Variants in CRPPA observed in about 807,000 individuals in gnomAD.
CRPPA encodes the protein CDP-L-ribitol pyrophosphorylase A, also known as D-ribitol-5-phosphate cytidylyltransferase.
Under a neutral mutation model 52.0 loss-of-function variants are expected in CRPPA, and 43 were observed. That is an observed-to-expected ratio of 0.83 (90% CI 0.65 to 1.07). CRPPA has a LOEUF of 1.07. Ranked by LOEUF, CRPPA falls within the 50% of genes least tolerant of loss-of-function variation. The probability of loss-of-function intolerance (pLI) is 0.00; values close to 1 mark genes in which losing one functional copy is unlikely to be tolerated. For synonymous variants in CRPPA, 250 were observed against 203.5 expected (o/e 1.23, Z -1.94); for missense variants, 629 against 551.7 (o/e 1.14, Z -1.40).
At chr7:16,125,697 A>T (rs1285490092) in intron 9 of CRPPA, among the ~76,000 whole-genome samples, 2 of 152,192 alleles carry the variant, frequency 1.3e-5, no homozygotes, top group Non-Finnish European at 2.9e-5. Context: ...TGTATGAAAC[A>T]GGTTGTCTAA....
intron 8 of CRPPA, among the ~76,000 whole-genome samples, chr7:16,230,815 G>A (rs1366073901): frequency 2.0e-5 from 3 of 152,204 alleles, no homozygotes; most frequent in African/African-American, 7.2e-5. Flanking sequence ...TAGCAGGTGT[G>A]ACAATGCCAG....
At chr7:16,373,523 T>C (rs1399880850) in intron 3 of CRPPA, among the ~76,000 whole-genome samples, 1 of 152,078 alleles carries the variant, frequency 6.6e-6, no homozygotes, top group Non-Finnish European at 1.5e-5. Flanking sequence ...AGCAGAGGAG[T>C]TTGACATTTC....
intron 9 of CRPPA, among the ~76,000 whole-genome samples, chr7:16,119,688 T>A (rs1457369459): frequency 6.6e-6 from 1 of 152,206 alleles, no homozygotes; most frequent in African/African-American, 2.4e-5. Flanking sequence ...GTTCACTATA[T>A]TCACCAGAAA....
rs1554309930 is a variant in CRPPA, at chr7:16,286,095, A to AT, written c.836-7870_836-7869insA. Among the ~76,000 whole-genome samples the AT allele has an allele frequency of 8.7e-4, 23 of 26,518 alleles. 2 individuals carry two copies. The highest frequency in any genetic ancestry group is 1.1e-3 in the Non-Finnish European group (17 of 15,432). The allele number at this position is 26,518 out of a possible 152,430, so 17.4% of individuals were successfully genotyped here. On this transcript the variant is annotated intron_variant, in intron 5 of 9. Coordinates refer to ENST00000407010, the MANE Select transcript of CRPPA (RefSeq NM_001101426.4). ...TATATATATATAATATTTAAAAAAA[A>AT]AAATATATATATATATATATATGCC... is the stretch of plus-strand genomic sequence containing the variant.
At chr7:16,123,700 C>T (rs992198592) in intron 9 of CRPPA, among the ~76,000 whole-genome samples, 17 of 152,030 alleles carry the variant, frequency 1.1e-4, no homozygotes, top group Non-Finnish European at 2.9e-5. Context: ...TCTGGAAATC[C>T]GTGAGTCGAG....
At position 16,303,791 on chromosome 7, in the gene CRPPA, T is replaced by G. The variant is rs542397540; in HGVS notation, c.790-2325A>C. On this transcript the variant is annotated intron_variant, in intron 4 of 9. Coordinates refer to ENST00000407010, the MANE Select transcript of CRPPA (RefSeq NM_001101426.4). ...GAAATTACAAAAACCAAATAGAGAC[T>G]ACTTTGTTTCTTTTGTTTTTAAACA... Among the ~76,000 whole-genome samples the G allele has an allele frequency of 4.6e-5, 7 of 152,316 alleles. No individual in the cohort carries two copies. The South Asian group carries it at 1.0e-3, about 23-fold the overall frequency.
intron 8 of CRPPA, among the ~76,000 whole-genome samples, chr7:16,234,575 C>A (rs1782890306): frequency 6.6e-6 from 1 of 152,036 alleles, no homozygotes; most frequent in African/African-American, 2.4e-5. Context: ...TATTATTCTC[C>A]TTAATAGAAT....
chr7:16,197,010 A>G (rs1236074731), intron 9 of CRPPA, among the ~76,000 whole-genome samples: 1 of 152,024 alleles, frequency 6.6e-6, no homozygotes, highest in Non-Finnish European at 1.5e-5. Flanking sequence ...ACATGTTGGG[A>G]AAAACCCTTA....
In CRPPA at chr7:16,089,412, TGTAC is replaced by T. The variant is rs1348769623; in HGVS notation, c.*2279_*2282del. On this transcript the variant is annotated 3_prime_UTR_variant, in exon 10 of 10. Coordinates refer to ENST00000407010, the MANE Select transcript of CRPPA (RefSeq NM_001101426.4). ...TATGTATGTACATAATGTGTATATA[TGTAC>T]GTACATACATATATGTGTATATATG... 2 of 352,980 alleles carry T rather than the reference TGTAC, an allele frequency of 5.7e-6. No individual in the cohort carries two copies. Among genetic ancestry groups the T allele is most frequent in the Non-Finnish European group, 1.3e-5 (2 of 155,818 alleles). 21.9% of individuals were successfully genotyped at this position (352,980 alleles called of 1,614,324 possible). A position where few individuals can be genotyped will look rare whatever the true frequency, so the allele number is the denominator to read the frequency against.
chr7:16,306,075 C>G (rs1784904298), intron 4 of CRPPA, among the ~76,000 whole-genome samples: 1 of 152,186 alleles, frequency 6.6e-6, no homozygotes, highest in African/African-American at 2.4e-5. Flanking sequence ...CCTCCATCAT[C>G]ACATGGCCTT....
chr7:16,165,282 A>T (rs1781030804), intron 9 of CRPPA, among the ~76,000 whole-genome samples: 1 of 152,050 alleles, frequency 6.6e-6, no homozygotes, highest in African/African-American at 2.4e-5. Flanking sequence ...AATATTTATG[A>T]TTACATATGA....
chr7:16,291,363 A>G (rs1784560887), intron 5 of CRPPA, among the ~76,000 whole-genome samples: 1 of 152,058 alleles, frequency 6.6e-6, no homozygotes, highest in African/African-American at 2.4e-5. Context: ...GGATGAATGA[A>G]GAAAATGTGG....
At chr7:16,412,662 C>A (rs1267473592) in intron 1 of CRPPA, among the ~76,000 whole-genome samples, 2 of 152,036 alleles carry the variant, frequency 1.3e-5, no homozygotes, top group Non-Finnish European at 2.9e-5. Context: ...TTAAAAAGAC[C>A]TTAAGTACCT....
Position 16,415,864 on chromosome 7 carries a change from T to C in CRPPA, c.257+5202A>G, listed in dbSNP as rs1269392455. ...CTTTAACTAGAGGCAAGACTAGCCA[T>C]GTTTCCTTACATTTCCCTATCCCAA... is the stretch of plus-strand genomic sequence containing the variant. On this transcript the variant is annotated intron_variant, in intron 1 of 9. Coordinates refer to ENST00000407010, the MANE Select transcript of CRPPA (RefSeq NM_001101426.4). Among the ~76,000 whole-genome samples, 15 of 152,300 alleles carry C rather than the reference T, an allele frequency of 9.8e-5. No individual in the cohort carries two copies. In the East Asian group the frequency reaches 2.3e-3, roughly 24 times the overall value.
intron 9 of CRPPA, among the ~76,000 whole-genome samples, chr7:16,124,191 G>C (rs1782532701): frequency 1.3e-5 from 2 of 148,670 alleles, no homozygotes; most frequent in South Asian, 2.1e-4. Context: ...TGGTGTGTAC[G>C]AGTTCCATTT....
rs117251133 is a variant in CRPPA, at chr7:16,150,827, C to G, written c.1252-59028G>C. ...GGAAGGGTCTTTTTGCTGTGTCATC[C>G]TATGGCAGGAGGGCAAGTGACAGAG... On this transcript the variant is annotated intron_variant, in intron 9 of 9. Coordinates refer to ENST00000407010, the MANE Select transcript of CRPPA (RefSeq NM_001101426.4). 3.9e-3 allele frequency among the ~76,000 whole-genome samples: 598 copies of G among 152,246 alleles called. 3 individuals carry two copies. The highest frequency in any genetic ancestry group is 7.3e-3 in the Non-Finnish European group (493 of 67,998).
intron 9 of CRPPA, among the ~76,000 whole-genome samples, chr7:16,165,072 C>A (rs984354615): frequency 2.6e-5 from 4 of 152,068 alleles, no homozygotes; most frequent in Non-Finnish European, 5.9e-5. Flanking sequence ...CAGGTAGGAA[C>A]GTTTAAGTCT....
intron 9 of CRPPA, among the ~76,000 whole-genome samples, chr7:16,098,320 T>C (rs973425307): frequency 1.3e-5 from 2 of 152,226 alleles, no homozygotes; most frequent in African/African-American, 4.8e-5. Flanking sequence ...TTAAAATGTA[T>C]GCATATGTAT....
chr7:16,304,912 T>G (rs1288262354), intron 4 of CRPPA, among the ~76,000 whole-genome samples: 3 of 152,210 alleles, frequency 2.0e-5, no homozygotes, highest in Admixed American at 6.5e-5. Flanking sequence ...TACTGTCAGA[T>G]TTTTGAATCA....
Sources: gnomAD v4.1 joint callset for allele counts (sites outside exome capture counted in the v4.1 genomes callset) on GRCh38, gnomAD v4.1.1 for gene constraint, MANE v1.5 for transcripts, NCBI Gene and HGNC (gene_info 2026-07-23, HGNC 2026-07-21) for gene names.